Variants in DPP10 observed in about 807,000 individuals in gnomAD.
The protein encoded by DPP10 is dipeptidyl peptidase like 10, also known as inactive dipeptidyl peptidase 10.
In DPP10, 33 loss-of-function variants were observed where a neutral mutation model predicts 120.9. The observed-to-expected ratio is 0.27, with a 90% CI of 0.21 to 0.37. The LOEUF (loss-of-function observed/expected upper bound fraction) is 0.37. Among genes scored for constraint, DPP10 ranks in the 10% least tolerant of loss-of-function variants. The pLI is 1.00. For missense variants in DPP10, 816 were observed against 942.8 expected, an observed-to-expected ratio of 0.87 and a Z score of 1.76; for synonymous variants, 337 against 326.1, an observed-to-expected ratio of 1.03 and a Z score of -0.36.
At chr2:115,215,217 G>A (rs2056747918) in intron 1 of DPP10, among the ~76,000 whole-genome samples, 1 of 152,018 alleles carries the variant, frequency 6.6e-6, no homozygotes, top group Non-Finnish European at 1.5e-5. Flanking sequence ...CCATTTATGT[G>A]GTTTCAAAGC....
chr2:114,812,412 C>T (rs116081271), intron 1 of DPP10, among the ~76,000 whole-genome samples: 2,067 of 151,948 alleles, frequency 0.014, 51 homozygotes, highest in African/African-American at 0.048. Context: ...ATGGCAAGAC[C>T]TCATCTCTAC....
At chr2:114,843,066 A>C (rs1229647219) in intron 1 of DPP10, among the ~76,000 whole-genome samples, 1 of 152,204 alleles carries the variant, frequency 6.6e-6, no homozygotes, top group Non-Finnish European at 1.5e-5. Context: ...GTAGGTATCA[A>C]ATAAACAAAC....
intron 1 of DPP10, among the ~76,000 whole-genome samples, chr2:114,551,941 C>A (rs140887471): frequency 6.6e-6 from 1 of 151,996 alleles, no homozygotes; most frequent in African/African-American, 2.4e-5. Flanking sequence ...ATGATCCTGA[C>A]GAGAAAAAGG....
rs756965533 is a variant in DPP10 at position 115,689,713 on chromosome 2, A to G, written c.468A>G (p.Ser156=). 97 of 1,587,170 alleles carry G rather than the reference A, an allele frequency of 6.1e-5. 1 individual carries two copies. The South Asian group carries it at 1.1e-3, about 18-fold the overall frequency. ...KQIFHYSYTA[S]YVIYNIHTRE... ...TTTTTCATTATTCGTATACTGCTTC[A>G]TATGTGATTTACAACATACACACTA... Residue 156 remains serine, a synonymous_variant, in exon 6 of 26, where the codon TCA becomes TCG. Coordinates refer to ENST00000410059, the MANE Select transcript of DPP10 (RefSeq NM_020868.6).
In DPP10 at chr2:115,435,244, G is replaced by T. The variant is rs559970920; in HGVS notation, c.272-64266G>T. ...ATGGTAGTTTTATTTTTAGTTTTCT[G>T]GGGAAGGAACACTATATTGCTTGTT... On this transcript the variant is annotated intron_variant, in intron 3 of 25. Coordinates refer to ENST00000410059, the MANE Select transcript of DPP10 (RefSeq NM_020868.6). 4.0e-5 allele frequency among the ~76,000 whole-genome samples: 6 copies of T among 151,760 alleles called. No homozygotes were observed. The South Asian group carries it at 1.2e-3, about 32-fold the overall frequency.
At chr2:115,206,904 T>C (rs2056172730) in intron 1 of DPP10, among the ~76,000 whole-genome samples, 1 of 152,224 alleles carries the variant, frequency 6.6e-6, no homozygotes, top group African/African-American at 2.4e-5. Flanking sequence ...CTATAGGCTT[T>C]AATATTCTTC....
intron 1 of DPP10, among the ~76,000 whole-genome samples, chr2:114,557,277 A>C (rs1688401620): frequency 6.6e-6 from 1 of 152,128 alleles, no homozygotes; most frequent in South Asian, 2.1e-4. Context: ...ACCCACAGGT[A>C]GTGAGCAAGC....
intron 1 of DPP10, among the ~76,000 whole-genome samples, chr2:114,677,499 A>G (rs1464755541): frequency 6.6e-6 from 1 of 152,114 alleles, no homozygotes; most frequent in South Asian, 2.1e-4. Context: ...CTGCTTTTCT[A>G]TGCTGAGTGT....
At chr2:114,680,925 T>C (rs1343555387) in intron 1 of DPP10, among the ~76,000 whole-genome samples, 2 of 152,012 alleles carry the variant, frequency 1.3e-5, no homozygotes, top group Non-Finnish European at 2.9e-5. Context: ...GAGTCCTCCA[T>C]GTAACATGTA....
At chr2:115,596,320 C>T (rs2082984526) in intron 5 of DPP10, among the ~76,000 whole-genome samples, 1 of 152,052 alleles carries the variant, frequency 6.6e-6, no homozygotes, top group Non-Finnish European at 1.5e-5. Flanking sequence ...TCTTAATTTA[C>T]CAAAGATTAG....
At chr2:114,484,189 A>C (rs1435784335) in intron 1 of DPP10, among the ~76,000 whole-genome samples, 1 of 152,152 alleles carries the variant, frequency 6.6e-6, no homozygotes, top group Non-Finnish European at 1.5e-5. Context: ...CATGTCCTGG[A>C]TCGAACTTGA....
chr2:115,586,081 G>GGGAGGCACTTTT (rs1458475775), intron 5 of DPP10, among the ~76,000 whole-genome samples: 1 of 152,104 alleles, frequency 6.6e-6, no homozygotes, highest in Non-Finnish European at 1.5e-5. Flanking sequence ...CCAGCACTTT[G>GGGAGGCACTTTT]GGAGGCCGAG....
At chr2:114,582,394 A>G (rs1270926966) in intron 1 of DPP10, among the ~76,000 whole-genome samples, 1 of 152,236 alleles carries the variant, frequency 6.6e-6, no homozygotes, top group Non-Finnish European at 1.5e-5. Flanking sequence ...TAAAGCTGCT[A>G]TAAATATCAG....
intron 1 of DPP10, among the ~76,000 whole-genome samples, chr2:114,864,356 A>T (rs1690056892): frequency 6.6e-6 from 1 of 152,214 alleles, no homozygotes; most frequent in South Asian, 2.1e-4. Context: ...TCTCCCTGTC[A>T]GTCTTACAAC....
rs868014979 is a variant in DPP10 at position 114,556,269 on chromosome 2, A to G, written c.60+113431A>G. Among the ~76,000 whole-genome samples, 127 of 139,406 alleles carry G rather than the reference A, an allele frequency of 9.1e-4. 1 individual carries two copies. Among genetic ancestry groups the G allele is most frequent in the Middle Eastern group, 7.4e-3 (2 of 270 alleles). 91.5% of individuals were successfully genotyped at this position (139,406 alleles called of 152,430 possible). On this transcript the variant is annotated intron_variant, in intron 1 of 25. Transcript: ENST00000410059. ...TATATATATATATATATATATATAT[A>G]GGCAAATAATAGATGATAGATGAGT...
At chr2:114,859,158 C>T (rs1689605804) in intron 1 of DPP10, among the ~76,000 whole-genome samples, 1 of 150,700 alleles carries the variant, frequency 6.6e-6, no homozygotes, top group Non-Finnish European at 1.5e-5. Flanking sequence ...GAAACTCTGT[C>T]TCTACTTAAA....
chr2:115,179,713 G>A (rs1374711077), intron 1 of DPP10, among the ~76,000 whole-genome samples: 3 of 152,152 alleles, frequency 2.0e-5, no homozygotes, highest in East Asian at 3.9e-4. Flanking sequence ...TATTGAGGAA[G>A]CTAAGAATTA....
chr2:114,874,503 G>A (rs190392243), intron 1 of DPP10, among the ~76,000 whole-genome samples: 1 of 151,970 alleles, frequency 6.6e-6, no homozygotes, highest in East Asian at 1.9e-4. Context: ...AACACATTTC[G>A]GGTGTCACTG....
At chr2:115,339,505 A>C (rs116586914) in intron 2 of DPP10, among the ~76,000 whole-genome samples, 1,541 of 152,312 alleles carry the variant, frequency 0.01, 24 homozygotes, top group African/African-American at 0.036. Flanking sequence ...ATCTATAAAA[A>C]AATGTTTATA....
Sources: allele counts gnomAD v4.1 joint callset (sites outside exome capture counted in the v4.1 genomes callset), GRCh38; gene constraint gnomAD v4.1.1; transcripts MANE v1.5; gene names NCBI Gene and HGNC (gene_info 2026-07-23, HGNC 2026-07-21).